Variants in INPP4B observed in about 807,000 individuals in gnomAD.
The protein encoded by INPP4B is inositol polyphosphate-4-phosphatase type II B.
Under a neutral mutation model 122.5 loss-of-function variants are expected in INPP4B, and 55 were observed. That is an observed-to-expected ratio of 0.45 (90% CI 0.36 to 0.56). The LOEUF (loss-of-function observed/expected upper bound fraction) is 0.56, where lower values mean the gene tolerates loss of function less well. Ranked by LOEUF, INPP4B falls within the 20% of genes least tolerant of loss-of-function variation. The probability of loss-of-function intolerance (pLI) is 0.00; values close to 1 mark genes in which losing one functional copy is unlikely to be tolerated. For missense variants in INPP4B, 1,000 were observed against 1,097.7 expected (o/e 0.91, Z 1.26); for synonymous variants, 403 against 388.7 (o/e 1.04, Z -0.43).
chr4:142,823,036 A>G (rs1027306650), intron 1 of INPP4B, among the ~76,000 whole-genome samples: 2 of 152,186 alleles, frequency 1.3e-5, no homozygotes, highest in Non-Finnish European at 2.9e-5. Context: ...AAGGACAAAC[A>G]AAAGAGCTCT....
chr4:142,281,097 CATTT>C, intron 9 of INPP4B, among the ~76,000 whole-genome samples: 1 of 142,938 alleles, frequency 7.0e-6, no homozygotes, highest in African/African-American at 2.8e-5. Context: ...TTGTTAAGTT[CATTT>C]ATTTCATTTT....
At chr4:142,295,320 C>A (rs2151027957) in intron 9 of INPP4B, among the ~76,000 whole-genome samples, 1 of 152,246 alleles carries the variant, frequency 6.6e-6, no homozygotes, top group South Asian at 2.1e-4. Flanking sequence ...TAAGATGCCA[C>A]AGGTCTGTCA....
chr4:142,487,802 A>G (rs927175312), intron 2 of INPP4B, among the ~76,000 whole-genome samples: 1 of 152,126 alleles, frequency 6.6e-6, no homozygotes, highest in Admixed American at 6.6e-5. Context: ...ATATACGCAC[A>G]TATTACTTTT....
At chr4:142,498,975 C>A (rs780323590) in intron 2 of INPP4B, among the ~76,000 whole-genome samples, 96 of 152,054 alleles carry the variant, frequency 6.3e-4, no homozygotes, top group Non-Finnish European at 7.9e-4. Flanking sequence ...TAGATGCAAT[C>A]TGTGTGACTC....
chr4:142,102,798 C>T (rs759464034), intron 23 of INPP4B, among the ~76,000 whole-genome samples: 6 of 152,012 alleles, frequency 3.9e-5, no homozygotes, highest in Non-Finnish European at 8.8e-5. Flanking sequence ...GGGGCCTCAT[C>T]ATTGTTACCT....
chr4:142,070,041 A>T (rs947939828), intron 25 of INPP4B, among the ~76,000 whole-genome samples: 12 of 152,164 alleles, frequency 7.9e-5, no homozygotes, highest in Admixed American at 2.0e-4. Flanking sequence ...AAAAAAAGAG[A>T]ATTTTAGACC....
At chr4:142,705,494 C>T (rs1294339418) in intron 2 of INPP4B, among the ~76,000 whole-genome samples, 1 of 151,622 alleles carries the variant, frequency 6.6e-6, no homozygotes, top group African/African-American at 2.4e-5. Flanking sequence ...CACACACACA[C>T]ACACAAAGTC....
chr4:142,172,841 C>T (rs7699731), intron 16 of INPP4B, among the ~76,000 whole-genome samples: 20,845 of 151,932 alleles, frequency 0.14, 2,575 homozygotes, highest in African/African-American at 0.33. Context: ...GGCATATTTA[C>T]TGAAAGTTTC....
At chr4:142,777,600 A>C (rs1774129846) in intron 1 of INPP4B, among the ~76,000 whole-genome samples, 1 of 152,200 alleles carries the variant, frequency 6.6e-6, no homozygotes, top group African/African-American at 2.4e-5. Flanking sequence ...ACTGTGAGGT[A>C]ATAAACATGT....
chr4:142,674,986 A>G (rs1025293279), intron 2 of INPP4B, among the ~76,000 whole-genome samples: 1 of 152,206 alleles, frequency 6.6e-6, no homozygotes, highest in African/African-American at 2.4e-5. Flanking sequence ...AAGCTAGTGG[A>G]AGACAAGAAT....
At chr4:142,511,933 C>A (rs1298011676) in intron 2 of INPP4B, among the ~76,000 whole-genome samples, 1 of 152,090 alleles carries the variant, frequency 6.6e-6, no homozygotes, top group African/African-American at 2.4e-5. Flanking sequence ...ACTTTTCTTG[C>A]AATACTCCAG....
At chr4:142,456,971 GAAT>G (rs1355020821) in intron 3 of INPP4B, among the ~76,000 whole-genome samples, 1 of 151,850 alleles carries the variant, frequency 6.6e-6, no homozygotes, top group Non-Finnish European at 1.5e-5. Flanking sequence ...AATAGTTACC[GAAT>G]AATAAGACAG....
At chr4:142,082,248 C>A in intron 24 of INPP4B, 63 bp from the exon 25 acceptor site, 2 of 1,327,090 alleles carry the variant, frequency 1.5e-6, no homozygotes, top group Non-Finnish European at 2.0e-6. Flanking sequence ...TGTCGGCCTC[C>A]TCCAAACACT....
intron 2 of INPP4B, among the ~76,000 whole-genome samples, chr4:142,627,848 T>G (rs1449843724): frequency 6.6e-6 from 1 of 152,088 alleles, no homozygotes; most frequent in Admixed American, 6.6e-5. Context: ...TCCTTGTACC[T>G]CTGGTAGAAT....
At chr4:142,510,227 T>G (rs1351024451) in intron 2 of INPP4B, among the ~76,000 whole-genome samples, 1 of 152,192 alleles carries the variant, frequency 6.6e-6, no homozygotes, top group African/African-American at 2.4e-5. Flanking sequence ...TTCATTTACT[T>G]ACACAATAAT....
chr4:142,066,272 T>C (rs1763447510), intron 25 of INPP4B, among the ~76,000 whole-genome samples: 1 of 152,146 alleles, frequency 6.6e-6, no homozygotes, highest in Non-Finnish European at 1.5e-5. Context: ...AACATCACAT[T>C]CTACAGTCTA....
At chr4:142,509,721 T>C (rs959179118) in intron 2 of INPP4B, among the ~76,000 whole-genome samples, 3 of 152,212 alleles carry the variant, frequency 2.0e-5, no homozygotes, top group Non-Finnish European at 4.4e-5. Flanking sequence ...GATTAAAGAC[T>C]TAAATGTAAG....
At chr4:142,516,962 TA>T (rs1825493188) in intron 2 of INPP4B, among the ~76,000 whole-genome samples, 1 of 151,958 alleles carries the variant, frequency 6.6e-6, no homozygotes, top group African/African-American at 2.4e-5. Flanking sequence ...TTATTTTCCC[TA>T]AACTCTAACC....
chr4:142,785,213 C>G (rs533973827), intron 1 of INPP4B, among the ~76,000 whole-genome samples: 7 of 152,154 alleles, frequency 4.6e-5, no homozygotes, highest in Middle Eastern at 3.4e-3. Flanking sequence ...CAGCTAAGTT[C>G]CTTGTCAGAA....
Sources: gnomAD v4.1 joint callset for allele counts (sites outside exome capture counted in the v4.1 genomes callset) on GRCh38, gnomAD v4.1.1 for gene constraint, MANE v1.5 for transcripts, NCBI Gene and HGNC (gene_info 2026-07-23, HGNC 2026-07-21) for gene names.